The following STAU1 variants were observed in gnomAD, a reference collection of about 807,000 sequenced individuals.
The protein encoded by STAU1 is double-stranded RNA-binding protein Staufen homolog 1.
STAU1 carries 13 observed loss-of-function variants against 62.9 expected under a neutral mutation model. The observed-to-expected ratio is 0.21, with a 90% CI of 0.13 to 0.33. The LOEUF is 0.33. Among genes scored for constraint, STAU1 ranks in the 10% least tolerant of loss-of-function variants. STAU1 has a pLI of 1.00. For synonymous variants in STAU1, 269 were observed against 265.1 expected, an observed-to-expected ratio of 1.01 and a Z score of -0.14; for missense variants, 571 against 712.1, an observed-to-expected ratio of 0.80 and a Z score of 2.25.
chr20:49,127,688 A>C (rs2092660866), intron 6 of STAU1, among the ~76,000 whole-genome samples: 1 of 152,126 alleles, frequency 6.6e-6, no homozygotes, highest in African/African-American at 2.4e-5. Context: ...CCCGGATGAC[A>C]GAGCAAGACT....
At chr20:49,146,607 T>C (rs1017425182) in intron 5 of STAU1, among the ~76,000 whole-genome samples, 2 of 150,720 alleles carry the variant, frequency 1.3e-5, no homozygotes, top group African/African-American at 4.9e-5. Flanking sequence ...GAGGCTGAGA[T>C]GGGAGGATCA....
intron 5 of STAU1, among the ~76,000 whole-genome samples, chr20:49,146,244 T>C (rs576310876): frequency 3.9e-5 from 6 of 151,908 alleles, no homozygotes; most frequent in African/African-American, 1.4e-4. Context: ...CCAGCCTGAG[T>C]GACAGAGTGA....
chr20:49,177,250 T>C (rs920478470), intron 1 of STAU1, among the ~76,000 whole-genome samples: 9 of 149,466 alleles, frequency 6.0e-5, no homozygotes, highest in Non-Finnish European at 3.0e-5. Flanking sequence ...AAGTAAAAAA[T>C]AAAGGCCAGG....
intron 7 of STAU1, 23 bp downstream of exon 7, chr20:49,124,349 CCTT>C (rs771481001): frequency 1.4e-5 from 22 of 1,609,624 alleles, no homozygotes; most frequent in Middle Eastern, 3.3e-4. Context: ...AATGAAAACA[CCTT>C]CTGTGTTCAG....
At chr20:49,206,838 A>G in the STAU1 span, among the ~76,000 whole-genome samples, 2 of 148,382 alleles carry the variant, frequency 1.3e-5, no homozygotes, top group East Asian at 2.0e-4. Flanking sequence ...TCACTGAAAT[A>G]TTCACCTCCC....
At chr20:49,192,014 G>A (rs1458691638), upstream of STAU1, among the ~76,000 whole-genome samples, 2 of 151,908 alleles carry the variant, frequency 1.3e-5, no homozygotes, top group Non-Finnish European at 2.9e-5. Context: ...TCACGCCACT[G>A]TATTCCAGCC....
chr20:49,158,862 C>T (rs1056201966), intron 3 of STAU1: 30 of 1,039,648 alleles, frequency 2.9e-5, no homozygotes, highest in Admixed American at 5.7e-5. Context: ...CAGATCGCGC[C>T]ACTGCACTCC....
chr20:49,159,252 T>A, intron 3 of STAU1: 1 of 682,124 alleles, frequency 1.5e-6, no homozygotes, highest in Non-Finnish European at 1.8e-6. Flanking sequence ...TCTGTTGGTG[T>A]AGCAAGGCTA....
chr20:49,140,657 G>C (rs1457128042), intron 5 of STAU1, among the ~76,000 whole-genome samples: 2 of 152,140 alleles, frequency 1.3e-5, no homozygotes, highest in African/African-American at 4.8e-5. Context: ...GGAGTGGGGA[G>C]TAACTCTTCA....
chr20:49,204,852 T>C, the STAU1 span, among the ~76,000 whole-genome samples: 1 of 151,146 alleles, frequency 6.6e-6, no homozygotes, highest in African/African-American at 2.4e-5. Flanking sequence ...GTTTTGCCAT[T>C]TTGGCCCGGC....
At position 49,144,250 on chromosome 20, in the gene STAU1, G is replaced by A. The variant is rs139845279; in HGVS notation, c.510+7332C>T. On this transcript the variant is annotated intron_variant, in intron 5 of 13. Coordinates refer to ENST00000371856, the MANE Select transcript of STAU1 (RefSeq NM_017453.4). ...TAAGTGGTAAGAAATAAATGTTGGCGGCCAAACATAAAAGATAAAAGAATG... is the reference window on the plus strand; with the variant it reads ...TAAGTGGTAAGAAATAAATGTTGGCAGCCAAACATAAAAGATAAAAGAATG... Among the ~76,000 whole-genome samples, 235 of 151,538 alleles carry A rather than the reference G, an allele frequency of 1.6e-3. 1 individual carries two copies. Among genetic ancestry groups the A allele is most frequent in the Admixed American group, 2.7e-3 (41 of 15,190 alleles).
chr20:49,143,256 A>T (rs1009523107), intron 5 of STAU1, among the ~76,000 whole-genome samples: 1 of 152,198 alleles, frequency 6.6e-6, no homozygotes, highest in African/African-American at 2.4e-5. Context: ...TACTGTTAAC[A>T]CTGATTCCAT....
chr20:49,151,459 A>G (rs2093247906), intron 5 of STAU1, 123 bp downstream of exon 5: 1 of 1,033,672 alleles, frequency 9.7e-7, no homozygotes, highest in African/African-American at 1.7e-5. Context: ...TCTTGGAGGC[A>G]TTCAAATAAA....
chr20:49,212,705 G>A, the STAU1 span, among the ~76,000 whole-genome samples: 4 of 140,424 alleles, frequency 2.8e-5, no homozygotes. Context: ...CACCTCCCAA[G>A]TTCAAGCAAT....
intron 5 of STAU1, among the ~76,000 whole-genome samples, chr20:49,144,268 A>C (rs1484502100): frequency 6.8e-6 from 1 of 147,390 alleles, no homozygotes; most frequent in African/African-American, 2.5e-5. Context: ...ATAAAAGATA[A>C]AAGAATGTTG....
chr20:49,118,167 C>A, intron 10 of STAU1, 71 bp from the exon 11 acceptor site: 2 of 1,502,358 alleles, frequency 1.3e-6, no homozygotes, highest in Non-Finnish European at 1.8e-6. Flanking sequence ...CACCATCAAA[C>A]CCCACGCTGG....
At chr20:49,133,162 C>G (rs1206435807) in intron 6 of STAU1, among the ~76,000 whole-genome samples, 2 of 152,172 alleles carry the variant, frequency 1.3e-5, no homozygotes, top group East Asian at 3.8e-4. Flanking sequence ...GAGTTGAGAG[C>G]CAGATCTGAA....
the STAU1 span, chr20:49,219,247 C>T: frequency 8.5e-7 from 1 of 1,178,028 alleles, no homozygotes; most frequent in Non-Finnish European, 1.2e-6. Flanking sequence ...TAAAAAGCTC[C>T]GCCCCTTGAT....
At chr20:49,153,859 G>A (rs534300819) in intron 4 of STAU1, 74 bp downstream of exon 4, 2 of 1,447,284 alleles carry the variant, frequency 1.4e-6, no homozygotes, top group East Asian at 2.5e-5. Flanking sequence ...ACAATCTAGA[G>A]GTACTGGTTT....
Sources: allele counts gnomAD v4.1 joint callset (sites outside exome capture counted in the v4.1 genomes callset), GRCh38; gene constraint gnomAD v4.1.1; transcripts MANE v1.5; gene names NCBI Gene and HGNC (gene_info 2026-07-23, HGNC 2026-07-21).